Variants in MOCOS observed in about 807,000 individuals in gnomAD.
MOCOS encodes the protein human molybdenum cofactor sulfurase.
A neutral mutation model predicts 83.6 loss-of-function variants in MOCOS; 86 were observed. That is an observed-to-expected ratio of 1.03 (90% confidence interval 0.86 to 1.23). The LOEUF is 1.23. Among genes scored for constraint, MOCOS ranks in the 50% most tolerant of loss-of-function variants. MOCOS has a pLI of 0.00. For missense variants in MOCOS, 1,120 were observed against 1,126.9 expected, an observed-to-expected ratio of 0.99 and a Z score of 0.09; for synonymous variants, 445 against 434.7, an observed-to-expected ratio of 1.02 and a Z score of -0.29.
chr18:36,224,323 A>G (rs1287626937), intron 9 of MOCOS, among the ~76,000 whole-genome samples: 1 of 152,142 alleles, frequency 6.6e-6, no homozygotes, highest in Non-Finnish European at 1.5e-5. Flanking sequence ...TTCCAGTACT[A>G]TGTCAAATAG....
rs373931706 is a variant in MOCOS, at chr18:36,200,120, C to T, written c.737C>T (p.Ser246Leu). Residue 246 changes from serine (S) to leucine (L), a missense_variant, in exon 4 of 15, where the codon TCG (serine) becomes TTG (leucine). Coordinates refer to ENST00000261326, the MANE Select transcript of MOCOS (RefSeq NM_017947.4). ...LLDAASYVST[S>L]PLDLSAHQAD... The stretch of plus-strand genomic sequence containing the variant: ...GATGCAGCCTCCTACGTGAGCACCT[C>T]GCCTTTGGACCTGTCAGCTCACCAG... 1.1e-5 allele frequency: 17 copies of T among 1,614,100 alleles called. No homozygotes were observed. The highest frequency in any genetic ancestry group is 1.3e-5 in the African/African-American group (1 of 74,936).
Position 36,267,323 on chromosome 18 carries a change from C to A in MOCOS, c.2514+470C>A, listed in dbSNP as rs8084553. On this transcript the variant is annotated intron_variant, in intron 14 of 14. Transcript: ENST00000261326. ...TGAATTCCAGATTATAGAAACTGAA[C>A]TTCCAATGTGTTGATTCTTTAGAAA... Among the ~76,000 whole-genome samples the A allele has an allele frequency of 8.5e-3, 1,292 of 152,296 alleles. 20 individuals are homozygous for A. Among genetic ancestry groups the A allele is most frequent in the African/African-American group, 0.03 (1,234 of 41,560 alleles).
chr18:36,196,777 A>G (rs2091389583), intron 2 of MOCOS, among the ~76,000 whole-genome samples: 1 of 151,982 alleles, frequency 6.6e-6, no homozygotes, highest in Non-Finnish European at 1.5e-5. Flanking sequence ...CAAGCAGAGG[A>G]AAGGCAATGA....
intron 8 of MOCOS, among the ~76,000 whole-genome samples, chr18:36,216,443 A>C (rs750505651): frequency 3.3e-5 from 5 of 152,224 alleles, no homozygotes; most frequent in Admixed American, 6.6e-5. Flanking sequence ...CCGTTGGCCA[A>C]GTCTTTGGCA....
intron 1 of MOCOS, among the ~76,000 whole-genome samples, chr18:36,194,310 C>T (rs541989097): frequency 6.6e-6 from 1 of 152,082 alleles, no homozygotes; most frequent in Non-Finnish European, 1.5e-5. Context: ...TAAAACAACC[C>T]ATTCTACACA....
At position 36,256,756 on chromosome 18, in the gene MOCOS, G is replaced by A. The variant is rs11876750; in HGVS notation, c.2165-212G>A. 4,089 of 513,532 alleles carry A rather than the reference G, an allele frequency of 8.0e-3. 138 individuals are homozygous for A. The highest frequency in any genetic ancestry group is 0.07 in the African/African-American group (3,627 of 51,654). The allele number at this position is 513,532 out of a possible 1,614,324, so 31.8% of individuals were successfully genotyped here. A position where few individuals can be genotyped will look rare whatever the true frequency, so the allele number is the denominator to read the frequency against. On this transcript the variant is annotated intron_variant, in intron 11 of 14. Coordinates refer to ENST00000261326, the MANE Select transcript of MOCOS (RefSeq NM_017947.4). Reference sequence around the variant, plus strand: ...CAGCCCTTATTGTTATTTTCTCCACGTTATTTTAAACAGAGTATTCTAGAA... The same window carrying A: ...CAGCCCTTATTGTTATTTTCTCCACATTATTTTAAACAGAGTATTCTAGAA...
intron 9 of MOCOS, among the ~76,000 whole-genome samples, chr18:36,237,921 G>C (rs1347891971): frequency 6.6e-6 from 1 of 151,938 alleles, no homozygotes; most frequent in Non-Finnish European, 1.5e-5. Flanking sequence ...TATTTGCGTA[G>C]AGGTGTTTGT....
At position 36,266,806 on chromosome 18, in the gene MOCOS, C is replaced by T. The variant is rs758054756; in HGVS notation, c.2467C>T (p.Arg823Ter). 9.9e-6 allele frequency: 16 copies of T among 1,613,914 alleles called. No homozygotes were observed. In the Admixed American group the frequency reaches 1.0e-4, roughly 10 times the overall value. ...TTGCATCGACCAGCAAACTGGGCAACGAAACCAGCATGTTTTCCAAAAACT... is the reference window on the plus strand; with the variant it reads ...TTGCATCGACCAGCAAACTGGGCAATGAAACCAGCATGTTTTCCAAAAACT... Reference protein sequence around the residue: ...MICIDQQTGQRNQHVFQKLSE... With the variant: ...MICIDQQTGQ Residue 823 changes from arginine to a stop codon, truncating the protein, a stop_gained, in exon 14 of 15, where the codon CGA becomes TGA. Transcript: ENST00000261326. LOFTEE classifies it low-confidence loss of function (END_TRUNC).
At chr18:36,216,075 C>A in intron 8 of MOCOS, 98 bp downstream of exon 8, 2 of 1,268,170 alleles carry the variant, frequency 1.6e-6, no homozygotes, top group Non-Finnish European at 2.2e-6. Context: ...CAAAATCATT[C>A]ATCAGAGTGT....
chr18:36,211,841 G>T (rs73430987), intron 6 of MOCOS, among the ~76,000 whole-genome samples: 5 of 151,350 alleles, frequency 3.3e-5, no homozygotes, highest in African/African-American at 1.2e-4. Context: ...TCTGTGACTC[G>T]CTCATAGCTA....
At chr18:36,256,507 T>C (rs1005539434) in intron 11 of MOCOS, among the ~76,000 whole-genome samples, 2 of 152,066 alleles carry the variant, frequency 1.3e-5, no homozygotes, top group African/African-American at 4.8e-5. Context: ...TAGAGTGCAG[T>C]GGTGTGATCT....
At chr18:36,259,934 G>A (rs2091657334) in intron 12 of MOCOS, 103 bp from the exon 13 acceptor site, 5 of 1,479,118 alleles carry the variant, frequency 3.4e-6, no homozygotes, top group Non-Finnish European at 4.7e-6. Flanking sequence ...CCACAGTAGA[G>A]CTGATGAAGT....
chr18:36,233,255 A>G (rs2091545316), intron 9 of MOCOS, among the ~76,000 whole-genome samples: 1 of 152,170 alleles, frequency 6.6e-6, no homozygotes, highest in African/African-American at 2.4e-5. Flanking sequence ...GTTTCCACTT[A>G]TAAGAGAGAA....
intron 10 of MOCOS, 77 bp downstream of exon 10, chr18:36,249,077 G>A: frequency 8.0e-7 from 1 of 1,243,330 alleles, no homozygotes; most frequent in Non-Finnish European, 1.2e-6. Flanking sequence ...AATGCCCTAT[G>A]CAATCTATCC....
chr18:36,255,974 C>T (rs2091640143), intron 11 of MOCOS, among the ~76,000 whole-genome samples: 1 of 146,746 alleles, frequency 6.8e-6, no homozygotes, highest in African/African-American at 2.5e-5. Context: ...CTCACTGCAA[C>T]CTTCATCTCC....
chr18:36,215,329 G>A (rs2091471572), intron 7 of MOCOS, among the ~76,000 whole-genome samples, 187 bp from the exon 8 acceptor site: 1 of 152,180 alleles, frequency 6.6e-6, no homozygotes, highest in Non-Finnish European at 1.5e-5. Context: ...AGCAAAATGA[G>A]ATCCAGAAAG....
chr18:36,216,154 C>T (rs563141102), intron 8 of MOCOS, among the ~76,000 whole-genome samples, 177 bp downstream of exon 8: 25 of 152,268 alleles, frequency 1.6e-4, no homozygotes, highest in African/African-American at 4.6e-4. Flanking sequence ...TGACTGCTCA[C>T]GGGGACTCCT....
At chr18:36,253,979 G>A (rs1477917319) in intron 11 of MOCOS, among the ~76,000 whole-genome samples, 2 of 152,192 alleles carry the variant, frequency 1.3e-5, no homozygotes, top group Non-Finnish European at 2.9e-5. Context: ...AGGCAGTAAA[G>A]GCACAGGTGG....
intron 1 of MOCOS, 81 bp from the exon 2 acceptor site, chr18:36,195,176 C>T: frequency 8.8e-7 from 1 of 1,142,098 alleles, no homozygotes; most frequent in South Asian, 1.2e-5. Flanking sequence ...GTTACGTCTG[C>T]ATGCATTAGA....
Sources: allele counts gnomAD v4.1 joint callset (sites outside exome capture counted in the v4.1 genomes callset), GRCh38; gene constraint gnomAD v4.1.1; transcripts MANE v1.5; gene names NCBI Gene and HGNC (gene_info 2026-07-23, HGNC 2026-07-21).